The following MYO16 variants were observed in gnomAD, a reference collection of about 807,000 sequenced individuals.
The protein encoded by MYO16 is myosin XVI, also known as unconventional myosin-XVI.
MYO16 carries 94 observed loss-of-function variants against 205.3 expected under a neutral mutation model. The ratio of observed to expected loss-of-function variants is 0.46; its 90% CI spans 0.39 to 0.54. The LOEUF (loss-of-function observed/expected upper bound fraction) is 0.54. Among genes scored for constraint, MYO16 ranks in the 20% least tolerant of loss-of-function variants. The pLI, the probability that MYO16 is intolerant of heterozygous loss-of-function variation, is 0.00. For missense variants in MYO16, 2,315 were observed against 2,387.5 expected (o/e 0.97, Z 0.63); for synonymous variants, 988 against 954.0 (o/e 1.04, Z -0.66).
chr13:109,017,674 T>G (rs1254933996), intron 22 of MYO16, among the ~76,000 whole-genome samples: 1 of 152,198 alleles, frequency 6.6e-6, no homozygotes, highest in Non-Finnish European at 1.5e-5. Context: ...TTTACTCTTT[T>G]TTTCTCTAAA....
At chr13:108,934,759 T>C (rs2139299534) in intron 16 of MYO16, among the ~76,000 whole-genome samples, 1 of 152,280 alleles carries the variant, frequency 6.6e-6, no homozygotes, top group East Asian at 1.9e-4. Flanking sequence ...TACCAGGTAT[T>C]ATAAAATGAA....
chr13:108,831,245 G>T (rs906029114), intron 9 of MYO16, among the ~76,000 whole-genome samples: 1 of 152,160 alleles, frequency 6.6e-6, no homozygotes, highest in Non-Finnish European at 1.5e-5. Flanking sequence ...ACATGCAGAA[G>T]TCTACCGGGC....
At chr13:108,579,950 G>C in the MYO16 span, among the ~76,000 whole-genome samples, 1 of 152,150 alleles carries the variant, frequency 6.6e-6, no homozygotes, top group Non-Finnish European at 1.5e-5. Flanking sequence ...GGTGATTTGT[G>C]ATCAGGTGTT....
At chr13:108,551,711 C>G in the MYO16 span, among the ~76,000 whole-genome samples, 3 of 152,074 alleles carry the variant, frequency 2.0e-5, no homozygotes, top group Non-Finnish European at 4.4e-5. Context: ...GTAGGAAAGG[C>G]CTTTCATGAT....
the MYO16 span, among the ~76,000 whole-genome samples, chr13:108,564,266 G>A: frequency 2.0e-5 from 3 of 151,066 alleles, no homozygotes; most frequent in Non-Finnish European, 4.4e-5. Context: ...CATGTCCCAG[G>A]TTCAAGTGAT....
chr13:108,554,404 GA>G, the MYO16 span, among the ~76,000 whole-genome samples: 1 of 152,114 alleles, frequency 6.6e-6, no homozygotes, highest in Non-Finnish European at 1.5e-5. Flanking sequence ...CTACCTTTAT[GA>G]TGTTGGCTCC....
At chr13:109,018,853 T>C (rs773204753) in intron 22 of MYO16, among the ~76,000 whole-genome samples, 2 of 152,170 alleles carry the variant, frequency 1.3e-5, no homozygotes, top group African/African-American at 4.8e-5. Context: ...TCCAGTGAGA[T>C]GAACCAGCTA....
At chr13:109,000,128 G>T (rs1319597416) in intron 21 of MYO16, among the ~76,000 whole-genome samples, 1 of 152,172 alleles carries the variant, frequency 6.6e-6, no homozygotes, top group Non-Finnish European at 1.5e-5. Flanking sequence ...CTTTAGAGAA[G>T]AGTGAATTGA....
At chr13:109,090,497 G>T (rs1000761764) in intron 27 of MYO16, among the ~76,000 whole-genome samples, 2 of 152,176 alleles carry the variant, frequency 1.3e-5, no homozygotes, top group Non-Finnish European at 2.9e-5. Context: ...GAGGTGACGT[G>T]ACTGGTCCTG....
the MYO16 span, among the ~76,000 whole-genome samples, chr13:108,583,951 AGTTTTTT>A: frequency 6.6e-6 from 1 of 152,026 alleles, no homozygotes; most frequent in African/African-American, 2.4e-5. Flanking sequence ...CCGTTAAAGT[AGTTTTTT>A]GTTTTTTGTT....
chr13:108,624,221 A>G (rs1369076153), intron 1 of MYO16, among the ~76,000 whole-genome samples: 1 of 152,204 alleles, frequency 6.6e-6, no homozygotes, highest in African/African-American at 2.4e-5. Context: ...CTTCTAAATG[A>G]CAAATGTATA....
chr13:108,766,197 T>C (rs778391182), intron 4 of MYO16, among the ~76,000 whole-genome samples: 33 of 151,308 alleles, frequency 2.2e-4, no homozygotes, highest in Non-Finnish European at 4.4e-4. Context: ...GAAGTCTCTG[T>C]TGGAGACCAG....
chr13:108,811,687 C>A (rs1178213607), intron 7 of MYO16, among the ~76,000 whole-genome samples: 2 of 152,138 alleles, frequency 1.3e-5, no homozygotes, highest in Non-Finnish European at 2.9e-5. Flanking sequence ...ACTGAGCCTA[C>A]AAACTCCTAC....
intron 12 of MYO16, among the ~76,000 whole-genome samples, chr13:108,869,131 G>C (rs1302475565): frequency 6.6e-6 from 1 of 152,046 alleles, no homozygotes; most frequent in Non-Finnish European, 1.5e-5. Context: ...TTTAGAATCA[G>C]CTTGTCAATT....
At chr13:109,014,646 G>C (rs1266497260) in intron 22 of MYO16, among the ~76,000 whole-genome samples, 2 of 152,116 alleles carry the variant, frequency 1.3e-5, no homozygotes, top group African/African-American at 4.8e-5. Context: ...ATTTCATTGA[G>C]CAGTGGTTTG....
intron 18 of MYO16, 111 bp downstream of exon 18, chr13:108,961,767 C>T (rs1883593205): frequency 1.3e-6 from 1 of 794,734 alleles, no homozygotes; most frequent in African/African-American, 1.7e-5. Context: ...ACCCTTTCCT[C>T]TATAGTAGAA....
intron 33 of MYO16, among the ~76,000 whole-genome samples, chr13:109,178,330 A>C (rs1879308512): frequency 1.3e-5 from 2 of 152,138 alleles, no homozygotes. Flanking sequence ...GTCTTCATGA[A>C]GTTAGCTTTT....
chr13:109,190,409 T>C (rs74123528), intron 34 of MYO16, among the ~76,000 whole-genome samples: 16,758 of 152,094 alleles, frequency 0.11, 1,156 homozygotes, highest in African/African-American at 0.19. Flanking sequence ...TGTAATATAA[T>C]CATTTGTGTG....
chr13:108,727,757 A>C (rs901282975), intron 4 of MYO16, among the ~76,000 whole-genome samples, 174 bp downstream of exon 4: 3 of 152,256 alleles, frequency 2.0e-5, no homozygotes, highest in Non-Finnish European at 4.4e-5. Context: ...TGGGTCACAT[A>C]GTTTATAAAA....
Sources: gnomAD v4.1 joint callset for allele counts (sites outside exome capture counted in the v4.1 genomes callset) on GRCh38, gnomAD v4.1.1 for gene constraint, MANE v1.5 for transcripts, NCBI Gene and HGNC (gene_info 2026-07-23, HGNC 2026-07-21) for gene names.